The following GALNT15 variants were observed in gnomAD, a reference collection of about 807,000 sequenced individuals.
GALNT15 encodes polypeptide N-acetylgalactosaminyltransferase 15.
GALNT15 carries 67 observed loss-of-function variants against 66.8 expected under a neutral mutation model. The observed-to-expected ratio is 1.00, with a 90% CI of 0.82 to 1.23. The LOEUF is 1.23. GALNT15 is among the 50% of genes most tolerant of loss of function. GALNT15 has a pLI of 0.00. For synonymous variants in GALNT15, 313 were observed against 311.5 expected (o/e 1.00, Z -0.05); for missense variants, 827 against 804.3 (o/e 1.03, Z -0.34).
Position 16,203,590 on chromosome 3 carries a change from G to C in GALNT15, c.911+2767G>C, listed in dbSNP as rs4684272. On this transcript the variant is annotated intron_variant, in intron 3 of 9. Coordinates refer to ENST00000339732, the MANE Select transcript of GALNT15 (RefSeq NM_054110.5). The surrounding 1 kb of genome is among the most constrained non-coding windows in gnomAD (Gnocchi z 6.2). ...ACACACACACACACACACACACACA[G>C]TGGGCCTCTGATCCTGGTGTGTTAC... is the stretch of plus-strand genomic sequence containing the variant. 0.18 allele frequency among the ~76,000 whole-genome samples: 7,102 copies of C among 39,046 alleles called. 502 individuals carry two copies. The highest frequency in any genetic ancestry group is 0.32 in the African/African-American group (5,316 of 16,582). The allele number at this position is 39,046 out of a possible 152,430, so 25.6% of individuals were successfully genotyped here.
intron 1 of GALNT15, among the ~76,000 whole-genome samples, chr3:16,190,244 G>A (rs1470559118): frequency 6.6e-6 from 1 of 152,216 alleles, no homozygotes. Flanking sequence ...ACTGCCATAA[G>A]CCTGTACATG....
rs1574980685 is a variant in GALNT15, at chr3:16,200,667, T to G, written c.755T>G (p.Val252Gly). 1 of 1,599,804 alleles carries G rather than the reference T, an allele frequency of 6.3e-7. No individual in the cohort carries two copies. The highest frequency in any genetic ancestry group is 8.5e-7 in the Non-Finnish European group (1 of 1,173,200). Residue 252 changes from valine (V) to glycine (G), a missense_variant, in exon 3 of 10, where the codon GTG becomes GGG. Transcript: ENST00000339732. This position sits in a 1 kb window ranked among gnomAD's most constrained non-coding sequence, Gnocchi z 4.4. ...LSEYVARLEG[V>G]KLLRSNKRLG... ...GAATATGTGGCCAGGCTGGAGGGGG[T>G]GAAGTTACTCAGGAGCAACAAGAGG... is the stretch of plus-strand genomic sequence containing the variant.
downstream of GALNT15, among the ~76,000 whole-genome samples, chr3:16,231,298 A>G (rs1371782557): frequency 6.6e-6 from 1 of 152,206 alleles, no homozygotes; most frequent in Non-Finnish European, 1.5e-5. This position sits in a 1 kb window ranked among gnomAD's most constrained non-coding sequence, Gnocchi z 4.1. Context: ...CGTTCTGCAC[A>G]TGTATTCTAG....
At position 16,227,252 on chromosome 3, in the gene GALNT15, C is replaced by G. The variant is rs1230244154; in HGVS notation, c.1774-102C>G. 3 of 1,221,396 alleles carry G rather than the reference C, an allele frequency of 2.5e-6. No homozygotes were observed. The African/African-American group carries it at 4.6e-5, about 19-fold the overall frequency. The allele number at this position is 1,221,396 out of a possible 1,614,324, so 75.7% of individuals were successfully genotyped here. On this transcript the variant is annotated intron_variant, in intron 9 of 9. Transcript: ENST00000339732. The surrounding 1 kb of genome is among the most constrained non-coding windows in gnomAD (Gnocchi z 4.5). ...TCCTTTCCAGGCCAGTTCACACCAT[C>G]TGTTATTCTCTTAATGATTAGCACA...
chr3:16,180,840 T>C lies in GALNT15; in HGVS notation c.539+5150T>C, dbSNP rs1410983174. Among the ~76,000 whole-genome samples the C allele has an allele frequency of 6.6e-6, 1 of 152,222 alleles. No individual in the cohort carries two copies. The highest frequency in any genetic ancestry group is 1.5e-5 in the Non-Finnish European group (1 of 68,030). On this transcript the variant is annotated intron_variant, in intron 1 of 9. Coordinates refer to ENST00000339732, the MANE Select transcript of GALNT15 (RefSeq NM_054110.5). The surrounding 1 kb of genome is among the most constrained non-coding windows in gnomAD (Gnocchi z 5.0). ...CTTTATGGTTCAGCCTGTGTTTCCCTGGTTTATGTACCCATAGCTGTGATT... is the reference window on the plus strand; with the variant it reads ...CTTTATGGTTCAGCCTGTGTTTCCCCGGTTTATGTACCCATAGCTGTGATT...
chr3:16,217,325 G>T (rs1032520261), intron 6 of GALNT15, among the ~76,000 whole-genome samples: 5 of 152,138 alleles, frequency 3.3e-5, no homozygotes, highest in African/African-American at 1.2e-4. Context: ...AAGGAGAATG[G>T]CACCCTTATT....
intron 3 of GALNT15, among the ~76,000 whole-genome samples, chr3:16,207,746 A>C (rs1053426944): frequency 6.6e-6 from 1 of 152,166 alleles, no homozygotes; most frequent in African/African-American, 2.4e-5. Flanking sequence ...GCAGGGGTCC[A>C]TAAACTCTCT....
rs950884026 is a variant in GALNT15 at position 16,208,419 on chromosome 3, A to G, written c.912-84A>G. 16 of 1,417,150 alleles carry G rather than the reference A, an allele frequency of 1.1e-5. No homozygotes were observed. The African/African-American group carries it at 2.1e-4, about 19-fold the overall frequency. 87.8% of individuals were successfully genotyped at this position (1,417,150 alleles called of 1,614,324 possible). Reference sequence around the variant, plus strand: ...GGTACGGGTGTCTGGTAGCCACCATACTGGGCAGCCCATGTACAGACTGTT... The same window carrying G: ...GGTACGGGTGTCTGGTAGCCACCATGCTGGGCAGCCCATGTACAGACTGTT... On this transcript the variant is annotated intron_variant, in intron 3 of 9. Transcript: ENST00000339732.
intron 2 of GALNT15, among the ~76,000 whole-genome samples, chr3:16,196,556 C>T (rs2063640309): frequency 6.6e-6 from 1 of 152,130 alleles, no homozygotes; most frequent in African/African-American, 2.4e-5. Context: ...CAGAGAAGCC[C>T]CCACTTGACT....
intron 6 of GALNT15, 152 bp downstream of exon 6, chr3:16,212,915 C>A (rs928782369): frequency 1.5e-6 from 1 of 663,892 alleles, no homozygotes; most frequent in Non-Finnish European, 2.5e-6. Flanking sequence ...GTGGCTCCTC[C>A]ACCTGGTGAG....
At chr3:16,222,508 A>G (rs1179057989) in intron 8 of GALNT15, 107 bp from the exon 9 acceptor site, 1 of 1,343,090 alleles carries the variant, frequency 7.4e-7, no homozygotes, top group African/African-American at 1.4e-5. Flanking sequence ...ATAGAATCTG[A>G]AGATTGCCCC....
intron 1 of GALNT15, among the ~76,000 whole-genome samples, chr3:16,185,914 G>C (rs2063512419): frequency 1.3e-5 from 2 of 152,128 alleles, no homozygotes; most frequent in Non-Finnish European, 2.9e-5. Context: ...ATCTAGTGCT[G>C]TATAACGCAC....
chr3:16,231,920 C>T (rs2064085950), downstream of GALNT15: 1 of 1,534,744 alleles, frequency 6.5e-7, no homozygotes, highest in Admixed American at 2.0e-5. The surrounding 1 kb of genome is among the most constrained non-coding windows in gnomAD (Gnocchi z 4.1). Flanking sequence ...CACTGCCGAT[C>T]ACTCTCCTCT....
Position 16,228,584 on chromosome 3 carries a change from T to G in GALNT15, c.*1084T>G, listed in dbSNP as rs1017003673. The G allele has an allele frequency of 1.6e-5, 14 of 889,444 alleles. No homozygotes were observed. The highest frequency in any genetic ancestry group is 6.3e-5 in the Admixed American group (1 of 15,786). 55.1% of individuals were successfully genotyped at this position (889,444 alleles called of 1,614,324 possible). A position where few individuals can be genotyped will look rare whatever the true frequency, so the allele number is the denominator to read the frequency against. On this transcript the variant is annotated 3_prime_UTR_variant, in exon 10 of 10. Transcript: ENST00000339732. ...TGAACCCAGGAGGCAGAGGTTGCAGTGAGCTGAGATCATGCCATTGCACTC... is the reference window on the plus strand; with the variant it reads ...TGAACCCAGGAGGCAGAGGTTGCAGGGAGCTGAGATCATGCCATTGCACTC...
rs1015582599 is a variant in GALNT15 at position 16,188,132 on chromosome 3, G to A, written c.540-7628G>A. Among the ~76,000 whole-genome samples the A allele has an allele frequency of 2.0e-5, 3 of 152,206 alleles. No individual in the cohort carries two copies. Among genetic ancestry groups the A allele is most frequent in the African/African-American group, 7.2e-5 (3 of 41,454 alleles). ...GCACATCTAGCACATCTAGCCTCAC[G>A]CTCTTCCCCCCAGACCATTATCCTG... On this transcript the variant is annotated intron_variant, in intron 1 of 9. Coordinates refer to ENST00000339732, the MANE Select transcript of GALNT15 (RefSeq NM_054110.5). The surrounding 1 kb of genome is among the most constrained non-coding windows in gnomAD (Gnocchi z 4.6).
the GALNT15 span, among the ~76,000 whole-genome samples, chr3:16,239,080 C>T: frequency 6.6e-6 from 1 of 152,296 alleles, no homozygotes; most frequent in East Asian, 1.9e-4. The surrounding 1 kb of genome is among the most constrained non-coding windows in gnomAD (Gnocchi z 5.2). Flanking sequence ...GACATCCTGG[C>T]CCCAGAATCC....
rs36127239 is a variant in GALNT15 at position 16,207,501 on chromosome 3, TAAAAAAAAAAAAAAAAAAAA to T, written c.912-979_912-960del. Among the ~76,000 whole-genome samples the T allele has an allele frequency of 3.0e-4, 12 of 39,848 alleles. 1 individual carries two copies. The highest frequency in any genetic ancestry group is 2.3e-3 in the Admixed American group (5 of 2,218). 26.1% of individuals were successfully genotyped at this position (39,848 alleles called of 152,430 possible). A position where few individuals can be genotyped will look rare whatever the true frequency, so the allele number is the denominator to read the frequency against. On this transcript the variant is annotated intron_variant, in intron 3 of 9. Coordinates refer to ENST00000339732, the MANE Select transcript of GALNT15 (RefSeq NM_054110.5). ...ACTCTGCAGTCATATCTCCAGGCTG[TAAAAAAAAAAAAAAAAAAAA>T]AAAAAAAAAAAAAAAAAAAAAATTG...
chr3:16,217,740 A>G (rs66853224), intron 6 of GALNT15, among the ~76,000 whole-genome samples: 23,934 of 152,148 alleles, frequency 0.16, 2,052 homozygotes, highest in Admixed American at 0.23. Flanking sequence ...GGGTAGATTT[A>G]TCAGTTTATC....
At chr3:16,190,819 G>T (rs1467914696) in intron 1 of GALNT15, among the ~76,000 whole-genome samples, 1 of 152,106 alleles carries the variant, frequency 6.6e-6, no homozygotes, top group Non-Finnish European at 1.5e-5. Flanking sequence ...AGCTGCTGCT[G>T]GTCCTCCACT....
Sources: gnomAD v4.1 joint callset for allele counts (sites outside exome capture counted in the v4.1 genomes callset) on GRCh38, gnomAD v4.1.1 for gene constraint, Gnocchi (gnomAD v3.1) non-coding constraint, MANE v1.5 for transcripts, NCBI Gene and HGNC (gene_info 2026-07-23, HGNC 2026-07-21) for gene names.